UBR3: variants seen among roughly 807,000 people sequenced by gnomAD.
The protein encoded by UBR3 is ubiquitin protein ligase E3 component n-recognin 3.
A neutral mutation model predicts 243.2 loss-of-function variants in UBR3; 85 were observed. The ratio of observed to expected loss-of-function variants is 0.35; its 90% confidence interval spans 0.29 to 0.42. UBR3 has a LOEUF of 0.42. Ranked by LOEUF, UBR3 falls within the 10% of genes least tolerant of loss-of-function variation. The probability of loss-of-function intolerance (pLI) is 1.00; values close to 1 mark genes in which losing one functional copy is unlikely to be tolerated. For missense variants in UBR3, 1,686 were observed against 2,300.8 expected (o/e 0.73, Z 5.47); for synonymous variants, 748 against 799.8 (o/e 0.94, Z 1.09).
chr2:170,007,558 G>A (rs577939536), intron 28 of UBR3, among the ~76,000 whole-genome samples: 1 of 152,182 alleles, frequency 6.6e-6, no homozygotes, highest in African/African-American at 2.4e-5. Context: ...AGGAGTTTGA[G>A]ACCAGCCTGG....
intron 5 of UBR3, among the ~76,000 whole-genome samples, chr2:169,881,540 G>A (rs2083825998): frequency 6.7e-6 from 1 of 150,336 alleles, no homozygotes; most frequent in African/African-American, 2.4e-5. Context: ...GATAAAAATA[G>A]GGTCATTTAG....
intron 8 of UBR3, among the ~76,000 whole-genome samples, chr2:169,900,862 T>C (rs1377366486): frequency 2.0e-5 from 3 of 152,190 alleles, no homozygotes; most frequent in Non-Finnish European, 2.9e-5. Flanking sequence ...CCATGACTCA[T>C]GTAGACATAG....
intron 1 of UBR3, among the ~76,000 whole-genome samples, chr2:169,849,274 T>G (rs1412026917): frequency 6.6e-6 from 1 of 152,220 alleles, no homozygotes; most frequent in Non-Finnish European, 1.5e-5. Flanking sequence ...TTTTTGTGAT[T>G]GTCTATTGTT....
intron 28 of UBR3, among the ~76,000 whole-genome samples, chr2:170,008,523 A>T (rs1271363544): frequency 6.6e-6 from 1 of 152,156 alleles, no homozygotes; most frequent in Non-Finnish European, 1.5e-5. Context: ...TTATTTTAAT[A>T]CCATCATCTC....
intron 20 of UBR3, 74 bp downstream of exon 20, chr2:169,942,708 T>C (rs1202507608): frequency 7.5e-7 from 1 of 1,330,094 alleles, no homozygotes; most frequent in Non-Finnish European, 9.8e-7. Context: ...GGATAATATT[T>C]ACATAAAAGT....
chr2:169,937,566 A>AACAAAAG (rs2086392896), intron 19 of UBR3, among the ~76,000 whole-genome samples: 1 of 152,126 alleles, frequency 6.6e-6, no homozygotes, highest in Non-Finnish European at 1.5e-5. Context: ...GGTGTTTTAG[A>AACAAAAG]CATGAAGTTC....
intron 30 of UBR3, among the ~76,000 whole-genome samples, chr2:170,025,225 C>G (rs1206216377): frequency 6.6e-6 from 1 of 151,962 alleles, no homozygotes; most frequent in Non-Finnish European, 1.5e-5. Context: ...ATCTGACCAT[C>G]CAATGAGAGA....
intron 29 of UBR3, among the ~76,000 whole-genome samples, chr2:170,013,305 T>A (rs1229989510): frequency 6.6e-6 from 1 of 152,086 alleles, no homozygotes; most frequent in Non-Finnish European, 1.5e-5. Flanking sequence ...CCATATTGAT[T>A]TTTAAAATCC....
chr2:169,997,247 G>A (rs1438971591), intron 26 of UBR3, among the ~76,000 whole-genome samples: 1 of 152,154 alleles, frequency 6.6e-6, no homozygotes, highest in African/African-American at 2.4e-5. Flanking sequence ...GGCCCACTGG[G>A]CTCACTCTAC....
intron 1 of UBR3, among the ~76,000 whole-genome samples, chr2:169,836,516 A>G (rs926380410): frequency 2.0e-5 from 3 of 152,040 alleles, no homozygotes; most frequent in Admixed American, 1.3e-4. Context: ...AGAGCATCAG[A>G]AAAAATAGCT....
In UBR3 at chr2:169,827,690, C is replaced by A. The variant is rs1278040027; in HGVS notation, c.183C>A (p.Ala61=). The A allele has an allele frequency of 2.2e-5, 27 of 1,210,080 alleles. No individual in the cohort carries two copies. The highest frequency in any genetic ancestry group is 2.7e-5 in the Non-Finnish European group (26 of 977,618). The allele number at this position is 1,210,080 out of a possible 1,614,324, so 75.0% of individuals were successfully genotyped here. ...LQALLERVLS[A]ERPLAAAAGG... ...CGCTGCTGGAGCGGGTGCTGAGCGC[C>A]GAGCGGCCGCTGGCCGCGGCTGCCG... The change falls in exon 1 of 39, where the codon GCC becomes GCA. Residue 61 remains alanine (A), a synonymous_variant. Transcript: ENST00000272793.
chr2:169,978,423 C>T (rs2105381985), intron 24 of UBR3, among the ~76,000 whole-genome samples: 1 of 152,176 alleles, frequency 6.6e-6, no homozygotes, highest in Non-Finnish European at 1.5e-5. Flanking sequence ...CACCTTCTAG[C>T]AGCTTGGATT....
In UBR3 at chr2:169,952,359, TGTTA is replaced by T. The variant is rs1196828366; in HGVS notation, c.3545+2300_3545+2303del. Among the ~76,000 whole-genome samples, 4 of 152,258 alleles carry T rather than the reference TGTTA, an allele frequency of 2.6e-5. No individual in the cohort carries two copies. In the South Asian group the frequency reaches 6.2e-4, roughly 24 times the overall value. ...ATAAGATTGGCCATCCTATTTGATT[TGTTA>T]GTTAGGAGGTCATCCGTTGGTACCT... On this transcript the variant is annotated intron_variant, in intron 23 of 38. Coordinates refer to ENST00000272793, the MANE Select transcript of UBR3 (RefSeq NM_172070.4).
chr2:169,854,250 A>G (rs1322572557), intron 1 of UBR3, among the ~76,000 whole-genome samples: 1 of 152,242 alleles, frequency 6.6e-6, no homozygotes, highest in African/African-American at 2.4e-5. Flanking sequence ...CTTGTCAGAA[A>G]TATACATTGG....
chr2:169,855,759 A>C (rs569043398), intron 1 of UBR3, among the ~76,000 whole-genome samples: 1 of 152,198 alleles, frequency 6.6e-6, no homozygotes, highest in Non-Finnish European at 1.5e-5. Flanking sequence ...TTCCACACAG[A>C]CACAGTAACA....
intron 23 of UBR3, 86 bp downstream of exon 23, chr2:169,950,151 T>A (rs1016621248): frequency 2.5e-5 from 31 of 1,258,366 alleles, no homozygotes; most frequent in Non-Finnish European, 3.4e-5. Flanking sequence ...GATAATCACC[T>A]GGATGTTTAA....
rs553396495 is a variant in UBR3, at chr2:169,985,883, CTTT to C, written c.3635-760_3635-758del. ...CATATTTACTTAGATGTGCCTCCAT[CTTT>C]TAAACATTTCATAAAGCACTTCTGC... On this transcript the variant is annotated intron_variant, in intron 24 of 38. Transcript: ENST00000272793. 1.3e-4 allele frequency among the ~76,000 whole-genome samples: 20 copies of C among 152,314 alleles called. No homozygotes were observed. The East Asian group carries it at 3.3e-3, about 25-fold the overall frequency.
chr2:169,896,551 G>A lies in UBR3; in HGVS notation c.1281G>A (p.Met427Ile). The A allele has an allele frequency of 6.5e-7, 1 of 1,549,512 alleles. No homozygotes were observed. Among genetic ancestry groups the A allele is most frequent in the Non-Finnish European group, 8.7e-7 (1 of 1,145,722 alleles). The change falls in exon 8 of 39, where the codon ATG (methionine) becomes ATA (isoleucine). Residue 427 changes from methionine to isoleucine, a missense_variant. Transcript: ENST00000272793. Reference protein sequence around the residue: ...KTFVQHYAFIMKTLKKSHESD... With the variant: ...KTFVQHYAFIIKTLKKSHESD... ...TTGTTCAGCATTATGCTTTCATTAT[G>A]AAAACACTGAAGAAAAGTCATGAAT...
chr2:170,021,564 C>G (rs1045051489), intron 30 of UBR3, among the ~76,000 whole-genome samples: 1 of 152,162 alleles, frequency 6.6e-6, no homozygotes, highest in Admixed American at 6.6e-5. Flanking sequence ...CCTCCTTATA[C>G]TAACCTTGGG....
Sources: allele counts gnomAD v4.1 joint callset (sites outside exome capture counted in the v4.1 genomes callset), GRCh38; gene constraint gnomAD v4.1.1; transcripts MANE v1.5; gene names NCBI Gene and HGNC (gene_info 2026-07-23, HGNC 2026-07-21).